Variants in PRDM14 observed in about 807,000 individuals in gnomAD.
PRDM14 encodes the protein PR/SET domain 14.
PRDM14 carries 16 observed loss-of-function variants against 48.0 expected under a neutral mutation model. The observed-to-expected ratio is 0.33, with a 90% CI of 0.23 to 0.51. The LOEUF (loss-of-function observed/expected upper bound fraction) is 0.51. Ranked by LOEUF, PRDM14 falls within the 20% of genes least tolerant of loss-of-function variation. PRDM14 has a pLI of 0.97. For missense variants in PRDM14, 566 were observed against 719.6 expected (o/e 0.79, Z 2.44); for synonymous variants, 264 against 276.6 (o/e 0.95, Z 0.45).
intron 5 of PRDM14, among the ~76,000 whole-genome samples, chr8:70,060,414 A>AAAC (rs140984913): frequency 5.4e-5 from 8 of 148,972 alleles, no homozygotes; most frequent in African/African-American, 7.4e-5. Flanking sequence ...AAAAAAAAAA[A>AAAC]CATAACCATA....
At chr8:70,065,680 C>A (rs1401657473) in intron 5 of PRDM14, among the ~76,000 whole-genome samples, 1 of 152,162 alleles carries the variant, frequency 6.6e-6, no homozygotes, top group Non-Finnish European at 1.5e-5. Context: ...GCTTGACACC[C>A]ACCATACCCA....
rs761330044 is a variant in PRDM14, at chr8:70,056,816, C to CAAAA, written c.1387-1419_1387-1416dup. On this transcript the variant is annotated intron_variant, in intron 6 of 7. Coordinates refer to ENST00000276594, the MANE Select transcript of PRDM14 (RefSeq NM_024504.4). ...CCTGGGCAACAGAGTGAGACTGTCT[C>CAAAA]AAAAAAAAAAAAAAAAAAAAAGATT... Among the ~76,000 whole-genome samples the CAAAA allele has an allele frequency of 6.6e-4, 50 of 75,282 alleles. 1 individual carries two copies. The highest frequency in any genetic ancestry group is 1.8e-3 in the African/African-American group (36 of 19,862). 49.4% of individuals were successfully genotyped at this position (75,282 alleles called of 152,430 possible).
At chr8:70,060,237 C>T (rs1301258255) in intron 5 of PRDM14, among the ~76,000 whole-genome samples, 1 of 151,710 alleles carries the variant, frequency 6.6e-6, no homozygotes, top group Non-Finnish European at 1.5e-5. Flanking sequence ...CCCATCTCTA[C>T]AAAAAAATAA....
Position 70,061,974 on chromosome 8 carries a change from C to T in PRDM14, c.1184-3132G>A, listed in dbSNP as rs541348098. Among the ~76,000 whole-genome samples the T allele has an allele frequency of 4.3e-4, 66 of 152,252 alleles. No homozygotes were observed. In the South Asian group the frequency reaches 0.012, roughly 29 times the overall value. On this transcript the variant is annotated intron_variant, in intron 5 of 7. Coordinates refer to ENST00000276594, the MANE Select transcript of PRDM14 (RefSeq NM_024504.4). ...GGAAGGCTCCCACCTACCACCAATC[C>T]CCACCAAAAAGCCTTTGGGGAAAAA...
chr8:70,057,476 C>T (rs1433383315), intron 6 of PRDM14, among the ~76,000 whole-genome samples: 1 of 151,780 alleles, frequency 6.6e-6, no homozygotes, highest in African/African-American at 2.4e-5. Flanking sequence ...GCTACAGGTG[C>T]CTGCCACCAC....
intron 4 of PRDM14, among the ~76,000 whole-genome samples, chr8:70,067,933 G>A (rs1805698675): frequency 6.6e-6 from 1 of 151,994 alleles, no homozygotes; most frequent in African/African-American, 2.4e-5. Context: ...AAAGCATTTA[G>A]TTTTGTCTAT....
Position 70,069,342 on chromosome 8 carries a change from T to C in PRDM14, c.519A>G (p.Ser173=), listed in dbSNP as rs1026504161. The part of the protein sequence containing the change: ...GLRTSQLLPC[S]PSKQSEDGPK... ...GACCATCCTCTGACTGCTTGCTGGG[T>C]GAGCAAGGTAATAACTGGGAGGTCC... Residue 173 remains serine, a synonymous_variant, in exon 2 of 8, where the codon TCA becomes TCG. Coordinates refer to ENST00000276594, the MANE Select transcript of PRDM14 (RefSeq NM_024504.4). 10 of 1,611,502 alleles carry C rather than the reference T, an allele frequency of 6.2e-6. No individual in the cohort carries two copies. The highest frequency in any genetic ancestry group is 8.5e-6 in the Non-Finnish European group (10 of 1,178,806).
In PRDM14 at chr8:70,052,865, C is replaced by CAA. The variant is rs71275047; in HGVS notation, c.1489-563_1489-562dup. ...GGGTGACAGAGTGAGACTCTGTCTC[C>CAA]AAAAAAAAAAAAAAAAAAAAAAAAA... is the stretch of plus-strand genomic sequence containing the variant. On this transcript the variant is annotated intron_variant, in intron 7 of 7. Coordinates refer to ENST00000276594, the MANE Select transcript of PRDM14 (RefSeq NM_024504.4). 2.8e-3 allele frequency among the ~76,000 whole-genome samples: 68 copies of CAA among 24,338 alleles called. 14 individuals are homozygous for CAA. Among genetic ancestry groups the CAA allele is most frequent in the African/African-American group, 0.01 (59 of 5,636 alleles). The allele number at this position is 24,338 out of a possible 152,430, so 16.0% of individuals were successfully genotyped here.
intron 5 of PRDM14, among the ~76,000 whole-genome samples, chr8:70,065,347 C>T (rs1805650218): frequency 6.6e-6 from 1 of 152,144 alleles, no homozygotes; most frequent in African/African-American, 2.4e-5. Flanking sequence ...TCTTGTCCCA[C>T]CTACTAGATT....
intron 5 of PRDM14, among the ~76,000 whole-genome samples, chr8:70,063,444 A>C (rs1317106582): frequency 6.6e-6 from 1 of 152,076 alleles, no homozygotes. Flanking sequence ...AAAAAATAAT[A>C]ATGATTTCTC....
intron 7 of PRDM14, among the ~76,000 whole-genome samples, chr8:70,054,817 C>T (rs1462130430): frequency 6.6e-6 from 1 of 151,172 alleles, no homozygotes; most frequent in Admixed American, 6.6e-5. Context: ...CCACGCCTCC[C>T]CACCCCCTCC....
intron 7 of PRDM14, among the ~76,000 whole-genome samples, chr8:70,054,068 C>A (rs926451299): frequency 6.6e-5 from 10 of 152,128 alleles, no homozygotes; most frequent in African/African-American, 2.4e-5. Flanking sequence ...TATGATTAAC[C>A]GCGAACTGCA....
At chr8:70,058,946 C>T in intron 5 of PRDM14, 104 bp from the exon 6 acceptor site, 2 of 977,890 alleles carry the variant, frequency 2.0e-6, no homozygotes, top group Non-Finnish European at 3.0e-6. Flanking sequence ...AATTCTTTGG[C>T]TACTTCAAGA....
At chr8:70,067,952 T>C (rs1805698813) in intron 4 of PRDM14, among the ~76,000 whole-genome samples, 1 of 152,204 alleles carries the variant, frequency 6.6e-6, no homozygotes, top group Admixed American at 6.5e-5. Context: ...ATAAATATAA[T>C]ACAACATATT....
At chr8:70,058,943 T>G in intron 5 of PRDM14, 101 bp from the exon 6 acceptor site, 77 of 916,622 alleles carry the variant, frequency 8.4e-5, no homozygotes, top group Non-Finnish European at 8.3e-5. Context: ...AAGAATTCTT[T>G]GGCTACTTCA....
intron 5 of PRDM14, 105 bp from the exon 6 acceptor site, chr8:70,058,947 T>C: frequency 1.0e-6 from 1 of 967,190 alleles, no homozygotes; most frequent in Non-Finnish European, 1.5e-6. Flanking sequence ...ATTCTTTGGC[T>C]ACTTCAAGAG....
At position 70,069,713 on chromosome 8, in the gene PRDM14, A is replaced by G. The variant is rs1805734787; in HGVS notation, c.148T>C (p.Phe50Leu). The change falls in exon 2 of 8, where the codon TTC (phenylalanine) becomes CTC (leucine). Residue 50 changes from phenylalanine to leucine, a missense_variant. Coordinates refer to ENST00000276594, the MANE Select transcript of PRDM14 (RefSeq NM_024504.4). ...GCCTCCAGCTGCCGGAAAGGTTGGA[A>G]GTCTTCCTCCACGGTGGCCAGGCTG... is the stretch of plus-strand genomic sequence containing the variant. ...RNSLATVEED[F>L]QPFRQLEAAA... 1 of 1,575,074 alleles carries G rather than the reference A, an allele frequency of 6.3e-7. No individual in the cohort carries two copies. Among genetic ancestry groups the G allele is most frequent in the Non-Finnish European group, 8.6e-7 (1 of 1,160,082 alleles).
At chr8:70,062,640 A>G (rs986698680) in intron 5 of PRDM14, among the ~76,000 whole-genome samples, 4 of 151,814 alleles carry the variant, frequency 2.6e-5, no homozygotes, top group African/African-American at 9.7e-5. Flanking sequence ...ATTTGTTTGT[A>G]TTTTTAGTAG....
intron 6 of PRDM14, 34 bp downstream of exon 6, chr8:70,058,606 G>GTGA: frequency 6.3e-7 from 1 of 1,584,632 alleles, no homozygotes; most frequent in Non-Finnish European, 8.7e-7. Flanking sequence ...GAGAGAGAAC[G>GTGA]TGATGGTGGG....
Sources: gnomAD v4.1 joint callset for allele counts (sites outside exome capture counted in the v4.1 genomes callset) on GRCh38, gnomAD v4.1.1 for gene constraint, MANE v1.5 for transcripts, NCBI Gene and HGNC (gene_info 2026-07-23, HGNC 2026-07-21) for gene names.